Variants in SBK1 observed in about 807,000 individuals in gnomAD.
SBK1 encodes serine/threonine-protein kinase SBK1.
SBK1 carries 11 observed loss-of-function variants against 24.4 expected under a neutral mutation model. The observed-to-expected ratio is 0.45, with a 90% CI of 0.28 to 0.75. The LOEUF is 0.75. Ranked by LOEUF, SBK1 falls within the 30% of genes least tolerant of loss-of-function variation. The pLI is 0.12. For missense variants in SBK1, 467 were observed against 620.5 expected (o/e 0.75, Z 2.63); for synonymous variants, 308 against 284.4 (o/e 1.08, Z -0.83).
chr16:28,298,348 G>A (rs1433450001), intron 1 of SBK1, among the ~76,000 whole-genome samples: 5 of 152,192 alleles, frequency 3.3e-5, no homozygotes, highest in Non-Finnish European at 7.3e-5. Context: ...GCTGGACAGC[G>A]TTTTCTCATT....
intron 1 of SBK1, among the ~76,000 whole-genome samples, chr16:28,274,194 G>A (rs2044483274): frequency 6.6e-6 from 1 of 152,258 alleles, no homozygotes; most frequent in Non-Finnish European, 1.5e-5. Context: ...AATGAGCCCC[G>A]ATGATGTAAC....
chr16:28,320,985 G>C lies in SBK1; in HGVS notation c.*64G>C. 7.6e-7 allele frequency: 1 copy of C among 1,308,222 alleles called. No individual in the cohort carries two copies. The highest frequency in any genetic ancestry group is 9.7e-7 in the Non-Finnish European group (1 of 1,026,744). The allele number at this position is 1,308,222 out of a possible 1,614,324, so 81.0% of individuals were successfully genotyped here. A position where few individuals can be genotyped will look rare whatever the true frequency, so the allele number is the denominator to read the frequency against. On this transcript the variant is annotated 3_prime_UTR_variant, in exon 4 of 4. Transcript: ENST00000341901. This position sits in a 1 kb window ranked among gnomAD's most constrained non-coding sequence, Gnocchi z 8.5. ...CCCGCCCCGAGCCGGTGCCCGGTGC[G>C]GCGGTAGGGAATGGAGCCACCTCGC...
intron 1 of SBK1, among the ~76,000 whole-genome samples, chr16:28,270,755 C>T (rs1567670071): frequency 6.6e-6 from 1 of 151,814 alleles, no homozygotes. Context: ...AGCCAAACTA[C>T]TAATAAAGTG....
At chr16:28,274,809 C>A (rs1349337770) in intron 1 of SBK1, among the ~76,000 whole-genome samples, 1 of 151,888 alleles carries the variant, frequency 6.6e-6, no homozygotes, top group Non-Finnish European at 1.5e-5. Flanking sequence ...TCCAGTCTTA[C>A]CAATGTTATA....
upstream of SBK1, among the ~76,000 whole-genome samples, chr16:28,287,728 A>G (rs2044575623): frequency 6.6e-6 from 1 of 152,126 alleles, no homozygotes; most frequent in African/African-American, 2.4e-5. Context: ...CAATGGCACA[A>G]TCTTGGCTCA....
At chr16:28,279,263 A>C (rs1418974952) in intron 1 of SBK1, among the ~76,000 whole-genome samples, 1 of 150,572 alleles carries the variant, frequency 6.6e-6, no homozygotes, top group East Asian at 2.0e-4. Flanking sequence ...GCTGGGCGCT[A>C]TGGCTCATGC....
chr16:28,316,612 T>C (rs1331494030), intron 1 of SBK1, among the ~76,000 whole-genome samples: 2 of 149,980 alleles, frequency 1.3e-5, no homozygotes, highest in African/African-American at 4.9e-5. Flanking sequence ...AAAAAAAAAA[T>C]TAAAAATTAG....
At chr16:28,268,422 G>GT (rs1249851668) in intron 1 of SBK1, among the ~76,000 whole-genome samples, 1 of 148,258 alleles carries the variant, frequency 6.7e-6, no homozygotes, top group African/African-American at 2.6e-5. Flanking sequence ...TTTAAAAATG[G>GT]GTTTTTTTTT....
At chr16:28,280,149 A>ATATATATATATATGTGTG (rs1230385223) in intron 1 of SBK1, among the ~76,000 whole-genome samples, 7 of 39,412 alleles carry the variant, frequency 1.8e-4, no homozygotes, top group African/African-American at 5.8e-4. Flanking sequence ...ATATATATAT[A>ATATATATATATATGTGTG]TGTGTGTGTG....
chr16:28,298,793 G>C (rs2044659217), intron 1 of SBK1, among the ~76,000 whole-genome samples: 1 of 152,204 alleles, frequency 6.6e-6, no homozygotes, highest in African/African-American at 2.4e-5. Flanking sequence ...TGGGCTTTGG[G>C]ATGGCCCCAA....
chr16:28,278,809 C>A (rs1456872095), intron 1 of SBK1, among the ~76,000 whole-genome samples: 1 of 152,236 alleles, frequency 6.6e-6, no homozygotes, highest in Non-Finnish European at 1.5e-5. Context: ...TGCCGTTTGT[C>A]CCCAGCCAGG....
chr16:28,309,768 C>G (rs2141586072), intron 1 of SBK1, among the ~76,000 whole-genome samples: 1 of 152,312 alleles, frequency 6.6e-6, no homozygotes, highest in African/African-American at 2.4e-5. Flanking sequence ...ACCCCCCCTT[C>G]TCAGGGGTTT....
chr16:28,290,660 G>A (rs1470745019), upstream of SBK1: 2 of 151,362 alleles, frequency 1.3e-5, no homozygotes, highest in Admixed American at 1.3e-4. Context: ...AGGAAGGCAG[G>A]AAGGAAGGAA....
At chr16:28,265,971 A>AC (rs1245267946) in intron 1 of SBK1, among the ~76,000 whole-genome samples, 1 of 151,868 alleles carries the variant, frequency 6.6e-6, no homozygotes, top group Non-Finnish European at 1.5e-5. Flanking sequence ...TTAAAAAAAA[A>AC]AAAAAGAATG....
At position 28,322,574 on chromosome 16, in the gene SBK1, C is replaced by A. The variant is rs2044859080; in HGVS notation, c.*1653C>A. 6.5e-6 allele frequency: 1 copy of A among 152,970 alleles called. No individual in the cohort carries two copies. Among genetic ancestry groups the A allele is most frequent in the Non-Finnish European group, 1.5e-5 (1 of 68,190 alleles). The allele number at this position is 152,970 out of a possible 1,614,324, so 9.5% of individuals were successfully genotyped here. On this transcript the variant is annotated 3_prime_UTR_variant, in exon 4 of 4. Coordinates refer to ENST00000341901, the MANE Select transcript of SBK1 (RefSeq NM_001024401.3). ...CACCTTGAAAAAGGGCTATAGGTCC[C>A]CTGCCCTGCCCGGGTCCAGTTTACA...
At chr16:28,269,241 G>A (rs147067615) in intron 1 of SBK1, among the ~76,000 whole-genome samples, 2,370 of 151,610 alleles carry the variant, frequency 0.016, 27 homozygotes, top group Middle Eastern at 0.034. Context: ...CACCATGTTA[G>A]TCAGGCTGGT....
chr16:28,306,625 T>C (rs1183619706), intron 1 of SBK1, among the ~76,000 whole-genome samples: 4 of 152,138 alleles, frequency 2.6e-5, no homozygotes, highest in Admixed American at 2.6e-4. Flanking sequence ...AGGAGGGCCC[T>C]GGCAGTAGGG....
At chr16:28,292,272 T>C (rs915835465), upstream of SBK1, 1 of 17,462 alleles carries the variant, frequency 5.7e-5, no homozygotes, top group African/African-American at 2.1e-4. Flanking sequence ...GGGTGGGGGG[T>C]GGGGGGTGGG....
In SBK1 at chr16:28,266,562, G is replaced by A. The variant is rs969753585; in HGVS notation, c.257+7060G>A. 2.0e-5 allele frequency among the ~76,000 whole-genome samples: 3 copies of A among 151,866 alleles called. 1 individual carries two copies. Among genetic ancestry groups the A allele is most frequent in the Admixed American group, 1.3e-4 (2 of 15,220 alleles). ...GCTGAAATCAAAGTGTTGACAGGAC[G>A]GCTCTAGGAAGCTCTTCCTGGAAGG... is the stretch of plus-strand genomic sequence containing the variant. On this transcript the variant is annotated intron_variant, in intron 1 of 3. Transcript: ENST00000671413.
Sources: allele counts gnomAD v4.1 joint callset (sites outside exome capture counted in the v4.1 genomes callset), GRCh38; gene constraint gnomAD v4.1.1; non-coding constraint Gnocchi (gnomAD v3.1); transcripts MANE v1.5; gene names NCBI Gene and HGNC (gene_info 2026-07-23, HGNC 2026-07-21).